Variants in ZFHX3 observed in about 807,000 individuals in gnomAD.
ZFHX3 encodes zinc finger homeobox protein 3.
A neutral mutation model predicts 279.1 loss-of-function variants in ZFHX3; 42 were observed. The observed-to-expected ratio is 0.15, with a 90% CI of 0.12 to 0.19. The LOEUF (loss-of-function observed/expected upper bound fraction) is 0.19. ZFHX3 is among the 10% of genes least tolerant of loss of function. The probability of loss-of-function intolerance (pLI) is 1.00; values close to 1 mark genes in which losing one functional copy is unlikely to be tolerated. For synonymous variants in ZFHX3, 2,293 were observed against 1,957.8 expected (o/e 1.17, Z -4.52); for missense variants, 4,981 against 4,754.0 (o/e 1.05, Z -1.40).
intron 1 of ZFHX3, among the ~76,000 whole-genome samples, chr16:72,999,804 A>C (rs1022591028): frequency 3.3e-5 from 5 of 152,196 alleles, no homozygotes; most frequent in African/African-American, 1.2e-4. Flanking sequence ...CCATAAGTAC[A>C]TACTTCACTC....
chr16:73,200,503 A>G (rs1200501459), intron 5 of ZFHX3, among the ~76,000 whole-genome samples: 1 of 152,230 alleles, frequency 6.6e-6, no homozygotes, highest in African/African-American at 2.4e-5. Context: ...CTTCCACTAC[A>G]AAATGATATT....
intron 3 of ZFHX3, among the ~76,000 whole-genome samples, chr16:73,392,704 A>G (rs1459637416): frequency 2.0e-5 from 3 of 152,202 alleles, no homozygotes; most frequent in Non-Finnish European, 4.4e-5. Flanking sequence ...AATTGATTTC[A>G]CCACGAGTTC....
intron 3 of ZFHX3, among the ~76,000 whole-genome samples, chr16:73,328,966 C>G (rs1334093977): frequency 6.6e-6 from 1 of 152,214 alleles, no homozygotes; most frequent in East Asian, 1.9e-4. Context: ...CCTCTCTGTC[C>G]TCCTTATATT....
At chr16:73,753,206 G>C (rs1374863250) in intron 1 of ZFHX3, among the ~76,000 whole-genome samples, 6 of 152,162 alleles carry the variant, frequency 3.9e-5, no homozygotes, top group African/African-American at 1.4e-4. Flanking sequence ...TGAGGTAGAA[G>C]GCTGGCAAGA....
At position 73,502,782 on chromosome 16, in the gene ZFHX3, G is replaced by A. The variant is rs575239862; in HGVS notation, c.-1546-46524C>T. Among the ~76,000 whole-genome samples the A allele has an allele frequency of 2.0e-5, 3 of 152,330 alleles. No individual in the cohort carries two copies. In the South Asian group the frequency reaches 6.2e-4, roughly 32 times the overall value. On this transcript the variant is annotated intron_variant, in intron 2 of 17. Transcript: ENST00000641206. ...AGGCTGCACACCCACTAGAGCTACT[G>A]AATGCCCCCAAATATTCCAGTTCTT...
intron 1 of ZFHX3, among the ~76,000 whole-genome samples, chr16:73,038,677 C>T (rs1965000268): frequency 8.5e-6 from 1 of 117,448 alleles, no homozygotes; most frequent in Non-Finnish European, 1.8e-5. Flanking sequence ...TAAGCTTGTA[C>T]TCTCTCTCTC....
At position 73,290,547 on chromosome 16, in the gene ZFHX3, G is replaced by C. The variant is rs143332249; in HGVS notation, c.-1194+27693C>G. Among the ~76,000 whole-genome samples, 227 of 152,308 alleles carry C rather than the reference G, an allele frequency of 1.5e-3. 3 individuals carry two copies. Among genetic ancestry groups the C allele is most frequent in the African/African-American group, 5.2e-3 (215 of 41,562 alleles). The stretch of plus-strand genomic sequence containing the variant: ...TAACTTGTAGGTTTCAGCCTAGTAG[G>C]TTTCCAGAAGGAATAGAGGTGGACA... On this transcript the variant is annotated intron_variant, in intron 4 of 17. Transcript: ENST00000641206.
chr16:72,942,515 T>C (rs1290817058), intron 3 of ZFHX3, among the ~76,000 whole-genome samples: 1 of 152,120 alleles, frequency 6.6e-6, no homozygotes, highest in African/African-American at 2.4e-5. Context: ...TTCGTAAATA[T>C]TTTGACAAAG....
intron 4 of ZFHX3, among the ~76,000 whole-genome samples, chr16:72,844,469 C>T (rs2037426220): frequency 6.6e-6 from 1 of 152,134 alleles, no homozygotes. Context: ...CAACCTGCCT[C>T]CCTCGCCCAA....
intron 9 of ZFHX3, chr16:72,789,781 C>G (rs896737502): frequency 1.3e-5 from 2 of 152,258 alleles, no homozygotes; most frequent in African/African-American, 4.8e-5. Context: ...AATCTGGAAT[C>G]TGCGGGAGAA....
chr16:73,101,357 G>A (rs958715168), intron 7 of ZFHX3, among the ~76,000 whole-genome samples: 1 of 152,104 alleles, frequency 6.6e-6, no homozygotes, highest in African/African-American at 2.4e-5. Flanking sequence ...TTTGGCACAA[G>A]TAATATAATT....
chr16:73,652,828 T>C (rs1161178669), intron 2 of ZFHX3, among the ~76,000 whole-genome samples: 2 of 152,018 alleles, frequency 1.3e-5, no homozygotes, highest in Non-Finnish European at 2.9e-5. Context: ...AATAGAATGA[T>C]GAAAAATAAT....
At chr16:73,663,324 T>C (rs1317629357) in intron 2 of ZFHX3, among the ~76,000 whole-genome samples, 2 of 152,226 alleles carry the variant, frequency 1.3e-5, no homozygotes, top group Admixed American at 1.3e-4. Flanking sequence ...AGCTGTCAGG[T>C]AGCCCTTTAG....
intron 1 of ZFHX3, among the ~76,000 whole-genome samples, chr16:73,800,397 A>G (rs1023215827): frequency 6.6e-6 from 1 of 151,936 alleles, no homozygotes; most frequent in Non-Finnish European, 1.5e-5. Flanking sequence ...TTGTATTTTT[A>G]GTAGAGACGG....
intron 3 of ZFHX3, among the ~76,000 whole-genome samples, chr16:73,319,632 C>G (rs1044989382): frequency 6.6e-6 from 1 of 150,776 alleles, no homozygotes; most frequent in African/African-American, 2.4e-5. Flanking sequence ...TAAGGCATGG[C>G]AGAGAGTGGG....
intron 5 of ZFHX3, among the ~76,000 whole-genome samples, chr16:73,195,697 G>A (rs925752563): frequency 1.3e-5 from 2 of 152,100 alleles, no homozygotes; most frequent in African/African-American, 4.8e-5. Flanking sequence ...GATTACAGGC[G>A]TGAGCCACCA....
chr16:73,019,429 C>T (rs1489965404), intron 1 of ZFHX3, among the ~76,000 whole-genome samples: 1 of 152,130 alleles, frequency 6.6e-6, no homozygotes, highest in Non-Finnish European at 1.5e-5. Context: ...GGTTTACAGG[C>T]CACCACAACC....
chr16:73,748,707 C>G (rs556985484), intron 1 of ZFHX3, among the ~76,000 whole-genome samples: 31 of 152,228 alleles, frequency 2.0e-4, no homozygotes, highest in Middle Eastern at 3.4e-3. Context: ...ATTGAAGAGC[C>G]CTTGGTCTTA....
At chr16:73,513,346 C>G (rs2019465465) in intron 2 of ZFHX3, among the ~76,000 whole-genome samples, 1 of 152,140 alleles carries the variant, frequency 6.6e-6, no homozygotes. Context: ...TAGGAATATT[C>G]AGGATCAGGC....
Sources: allele counts gnomAD v4.1 joint callset (sites outside exome capture counted in the v4.1 genomes callset), GRCh38; gene constraint gnomAD v4.1.1; transcripts MANE v1.5; gene names NCBI Gene and HGNC (gene_info 2026-07-23, HGNC 2026-07-21).